The following SGCD variants were observed in gnomAD, a reference collection of about 807,000 sequenced individuals.
SGCD encodes the protein sarcoglycan delta, also known as delta-sarcoglycan.
In SGCD, 18 loss-of-function variants were observed where a neutral mutation model predicts 36.6. That is an observed-to-expected ratio of 0.49 (90% CI 0.34 to 0.73). The LOEUF (loss-of-function observed/expected upper bound fraction) is 0.73. Ranked by LOEUF, SGCD falls within the 30% of genes least tolerant of loss-of-function variation. The pLI, the probability that SGCD is intolerant of heterozygous loss-of-function variation, is 0.01. For synonymous variants in SGCD, 133 were observed against 130.6 expected, an observed-to-expected ratio of 1.02 and a Z score of -0.12; for missense variants, 387 against 346.7, an observed-to-expected ratio of 1.12 and a Z score of -0.92.
intron 3 of SGCD, among the ~76,000 whole-genome samples, chr5:156,311,639 G>A (rs1390410320): frequency 6.6e-6 from 1 of 152,106 alleles, no homozygotes. Context: ...GGTTAGGGCA[G>A]GGCTCTGTGC....
At chr5:156,301,656 T>C (rs1340401410) in intron 3 of SGCD, among the ~76,000 whole-genome samples, 2 of 152,144 alleles carry the variant, frequency 1.3e-5, no homozygotes, top group East Asian at 1.9e-4. Flanking sequence ...GTCTTTCAGA[T>C]TGAAGAACTC....
At chr5:156,677,707 G>T (rs1290735861) in intron 7 of SGCD, among the ~76,000 whole-genome samples, 5 of 152,054 alleles carry the variant, frequency 3.3e-5, no homozygotes, top group African/African-American at 9.7e-5. Context: ...AAAAGAGTCT[G>T]GTGGAGAAAA....
intron 7 of SGCD, among the ~76,000 whole-genome samples, chr5:156,726,802 T>G (rs780146762): frequency 1.3e-5 from 2 of 152,204 alleles, no homozygotes; most frequent in Non-Finnish European, 2.9e-5. Flanking sequence ...GGAGAGGAAG[T>G]GTAATCAGTG....
intron 7 of SGCD, among the ~76,000 whole-genome samples, chr5:156,695,927 G>C (rs544080447): frequency 4.6e-5 from 7 of 152,322 alleles, no homozygotes; most frequent in Admixed American, 3.3e-4. Flanking sequence ...CCATTCTCTT[G>C]AGATGAGCCA....
intron 1 of SGCD, among the ~76,000 whole-genome samples, chr5:155,900,431 A>G (rs553005137): frequency 1.3e-5 from 2 of 151,374 alleles, no homozygotes; most frequent in East Asian, 1.9e-4. Flanking sequence ...TTTTTTTATT[A>G]TTATTATTAT....
chr5:156,561,658 C>T (rs1209614419), intron 4 of SGCD, among the ~76,000 whole-genome samples: 1 of 152,156 alleles, frequency 6.6e-6, no homozygotes, highest in Non-Finnish European at 1.5e-5. Context: ...AGTGGTTTTT[C>T]AGTGTCTGAG....
chr5:155,789,189 G>A, the SGCD span, among the ~76,000 whole-genome samples: 1 of 152,040 alleles, frequency 6.6e-6, no homozygotes, highest in Non-Finnish European at 1.5e-5. Flanking sequence ...ACACGGTCGT[G>A]TTGCTTAATG....
At chr5:155,758,800 A>C in the SGCD span, among the ~76,000 whole-genome samples, 1 of 152,102 alleles carries the variant, frequency 6.6e-6, no homozygotes, top group Non-Finnish European at 1.5e-5. Flanking sequence ...TTGGTGCTAA[A>C]AGGTAGGGGA....
chr5:156,011,297 G>A (rs986692753), intron 1 of SGCD, among the ~76,000 whole-genome samples: 1 of 152,068 alleles, frequency 6.6e-6, no homozygotes, highest in African/African-American at 2.4e-5. Flanking sequence ...TTTAATTATA[G>A]GAAGGTACTA....
In SGCD at chr5:156,629,849, C is replaced by A. The variant is rs1227931394; in HGVS notation, c.503-17615C>A. On this transcript the variant is annotated intron_variant, in intron 6 of 8. Transcript: ENST00000337851. Reference sequence around the variant, plus strand: ...CCTGGTCTAGGCTCTGGTTTTGAGACTTTTTCTTTTTTTTTTTTTTTTTTT... The same window carrying A: ...CCTGGTCTAGGCTCTGGTTTTGAGAATTTTTCTTTTTTTTTTTTTTTTTTT... 6.7e-5 allele frequency among the ~76,000 whole-genome samples: 9 copies of A among 134,038 alleles called. No individual in the cohort carries two copies. In the South Asian group the frequency reaches 2.0e-3, roughly 30 times the overall value. The allele number at this position is 134,038 out of a possible 152,430, so 87.9% of individuals were successfully genotyped here.
intron 6 of SGCD, among the ~76,000 whole-genome samples, chr5:156,645,195 A>C (rs539083157): frequency 6.6e-6 from 1 of 152,170 alleles, no homozygotes; most frequent in Admixed American, 6.5e-5. Context: ...GTTTATGAAC[A>C]TTTATTGCCA....
chr5:155,942,789 T>C (rs79878223), intron 1 of SGCD, among the ~76,000 whole-genome samples: 8 of 152,118 alleles, frequency 5.3e-5, no homozygotes, highest in African/African-American at 1.9e-4. Context: ...AATAGGAAAA[T>C]GTGAAGATAC....
chr5:156,361,117 C>T (rs1262242792), intron 3 of SGCD, among the ~76,000 whole-genome samples: 5 of 152,322 alleles, frequency 3.3e-5, no homozygotes, highest in Non-Finnish European at 5.9e-5. Flanking sequence ...CCATATGGAG[C>T]TTGCTCCTGC....
At chr5:156,181,535 C>G (rs1488743929) in intron 3 of SGCD, among the ~76,000 whole-genome samples, 1 of 152,186 alleles carries the variant, frequency 6.6e-6, no homozygotes, top group African/African-American at 2.4e-5. Flanking sequence ...ACTCCCCATT[C>G]CTAACATTTG....
intron 3 of SGCD, among the ~76,000 whole-genome samples, chr5:156,251,016 C>T (rs997973663): frequency 6.6e-5 from 10 of 151,870 alleles, no homozygotes; most frequent in Non-Finnish European, 1.3e-4. Flanking sequence ...TTATGATGTG[C>T]CAAATTATTC....
At chr5:156,523,840 G>A (rs893956905) in intron 4 of SGCD, among the ~76,000 whole-genome samples, 1 of 151,534 alleles carries the variant, frequency 6.6e-6, no homozygotes, top group Non-Finnish European at 1.5e-5. Context: ...GAGGACCTCT[G>A]AAGTACCTTG....
chr5:156,227,248 T>C (rs890427412), intron 3 of SGCD, among the ~76,000 whole-genome samples: 1 of 152,206 alleles, frequency 6.6e-6, no homozygotes, highest in African/African-American at 2.4e-5. Flanking sequence ...TAGGTTTAAG[T>C]CCTTAATCCA....
intron 3 of SGCD, among the ~76,000 whole-genome samples, chr5:156,164,779 G>A (rs1169721186): frequency 1.3e-5 from 2 of 152,134 alleles, no homozygotes; most frequent in East Asian, 1.9e-4. Context: ...ACAAAACACT[G>A]TGCTTGGCTT....
chr5:156,200,456 A>G (rs1378947112), intron 3 of SGCD, among the ~76,000 whole-genome samples: 2 of 152,180 alleles, frequency 1.3e-5, no homozygotes, highest in East Asian at 3.8e-4. Flanking sequence ...AAAACTGGAT[A>G]TACACATGGA....
Sources: gnomAD v4.1 joint callset for allele counts (sites outside exome capture counted in the v4.1 genomes callset) on GRCh38, gnomAD v4.1.1 for gene constraint, MANE v1.5 for transcripts, NCBI Gene and HGNC (gene_info 2026-07-23, HGNC 2026-07-21) for gene names.